Variants in UTP14A observed in about 807,000 individuals in gnomAD.
UTP14A encodes UTP14A small subunit processome component, also known as U3 small nucleolar RNA-associated protein 14 homolog A.
UTP14A carries 5 observed loss-of-function variants against 57.2 expected under a neutral mutation model. The ratio of observed to expected loss-of-function variants is 0.09; its 90% CI spans 0.05 to 0.18. UTP14A has a LOEUF of 0.18. Among genes scored for constraint, UTP14A ranks in the 10% least tolerant of loss-of-function variants. The probability of loss-of-function intolerance (pLI) is 1.00; values close to 1 mark genes in which losing one functional copy is unlikely to be tolerated. For missense variants in UTP14A, 430 were observed against 562.1 expected (o/e 0.76, Z 2.38); for synonymous variants, 169 against 210.9 (o/e 0.80, Z 1.72).
At chrX:129,917,335 A>G (rs1174440826) in intron 6 of UTP14A, among the ~76,000 whole-genome samples, 1 of 112,190 alleles carries the variant, frequency 8.9e-6, no homozygotes, top group Admixed American at 9.5e-5. Context: ...GTAACATGTG[A>G]TGATGTGCGT....
At chrX:129,929,210 C>G in intron 14 of UTP14A, 126 bp from the exon 15 acceptor site, 1 of 872,639 alleles carries the variant, frequency 1.1e-6, no homozygotes, top group Non-Finnish European at 1.6e-6. Flanking sequence ...CTCTCAGTCT[C>G]TTCACTTGCA....
At chrX:129,906,555 G>C (rs1929264899) in intron 1 of UTP14A, among the ~76,000 whole-genome samples, 1 of 110,565 alleles carries the variant, frequency 9.0e-6, no homozygotes, top group South Asian at 3.9e-4. Context: ...TTAATCCTCT[G>C]CGCAGGCAGT....
chrX:129,907,944 A>G (rs1231607394), intron 2 of UTP14A, 116 bp from the exon 3 acceptor site: 2 of 653,786 alleles, frequency 3.1e-6, no homozygotes, highest in Admixed American at 6.2e-5. Flanking sequence ...CAACAGAGCG[A>G]GACGCCGTCT....
rs375784839 is a variant in UTP14A, at chrX:129,906,609, T to C, written c.26+373T>C. ...CCGAATCTTGGAAAGCTTTGCTGAT[T>C]GGAGTCATCCACCACGTTTTGGCTC... On this transcript the variant is annotated intron_variant, in intron 1 of 14. Transcript: ENST00000394422. 3.9e-4 allele frequency among the ~76,000 whole-genome samples: 43 copies of C among 111,183 alleles called. No individual in the cohort carries two copies. The East Asian group carries it at 7.4e-3, about 19-fold the overall frequency.
Position 129,929,416 on chromosome X carries a change from C to T in UTP14A, c.2124C>T (p.Asn708=), listed in dbSNP as rs1473886340. ...AGACCCCCATAGGATCCACATGGAA[C>T]ACCCAGAGGGCTTTCCAAAAGCTGA... ...TIQTPIGSTW[N]TQRAFQKLTT... is the part of the protein sequence containing the mutation. Residue 708 remains asparagine (N), a synonymous_variant, in exon 15 of 15, where the codon AAC becomes AAT. Coordinates refer to ENST00000394422, the MANE Select transcript of UTP14A (RefSeq NM_006649.4). The T allele has an allele frequency of 1.7e-6, 2 of 1,209,640 alleles. No homozygotes were observed. The highest frequency in any genetic ancestry group is 3.5e-5 in the African/African-American group (2 of 57,012).
Position 129,906,176 on chromosome X carries a change from G to T in UTP14A, c.-35G>T. On this transcript the variant is annotated 5_prime_UTR_variant, in exon 1 of 15. Transcript: ENST00000394422. ...CGGAAATTGCTTTCCTTCGGCTTCC[G>T]TTCTTGGTCCATGTGAGAGAAGCTG... 2.5e-6 allele frequency: 3 copies of T among 1,210,297 alleles called. No individual in the cohort carries two copies. Among genetic ancestry groups the T allele is most frequent in the Non-Finnish European group, 3.4e-6 (3 of 894,289 alleles).
At chrX:129,908,556 A>G (rs1169727818) in intron 3 of UTP14A, 114 bp from the exon 4 acceptor site, 1 of 732,137 alleles carries the variant, frequency 1.4e-6, no homozygotes, top group Non-Finnish European at 2.1e-6. Context: ...ACATGACCCT[A>G]GAAGAAATAC....
At position 129,929,691 on chromosome X, in the gene UTP14A, C is replaced by T; in HGVS notation, c.*83C>T. On this transcript the variant is annotated 3_prime_UTR_variant, in exon 15 of 15. Transcript: ENST00000394422. Reference sequence around the variant, plus strand: ...CTCTGATACAGGGTGGATTCCAAAACTGGCTCAGTACATTGCATGTAGTTA... The same window carrying T: ...CTCTGATACAGGGTGGATTCCAAAATTGGCTCAGTACATTGCATGTAGTTA... 9.1e-7 allele frequency: 1 copy of T among 1,098,667 alleles called. No homozygotes were observed. Among genetic ancestry groups the T allele is most frequent in the Middle Eastern group, 2.6e-4 (1 of 3,875 alleles). The allele number at this position is 1,098,667 out of a possible 1,213,427, so 90.5% of individuals were successfully genotyped here.
rs1218719876 is a variant in UTP14A at position 129,913,275 on chromosome X, T to C, written c.537+1354T>C. 4 of 303,101 alleles carry C rather than the reference T, an allele frequency of 1.3e-5. No individual in the cohort carries two copies. In the Admixed American group the frequency reaches 1.6e-4, roughly 12 times the overall value. The allele number at this position is 303,101 out of a possible 1,213,427, so 25.0% of individuals were successfully genotyped here. A position where few individuals can be genotyped will look rare whatever the true frequency, so the allele number is the denominator to read the frequency against. ...TATTATGGGGATAAGCTGTTTCTGATGTTTTTGCTGAAGTCACTACCATTC... is the reference window on the plus strand; with the variant it reads ...TATTATGGGGATAAGCTGTTTCTGACGTTTTTGCTGAAGTCACTACCATTC... On this transcript the variant is annotated intron_variant, in intron 6 of 14. Coordinates refer to ENST00000394422, the MANE Select transcript of UTP14A (RefSeq NM_006649.4).
intron 6 of UTP14A, among the ~76,000 whole-genome samples, chrX:129,915,168 T>C (rs776149319): frequency 2.0e-4 from 22 of 111,054 alleles, no homozygotes; most frequent in African/African-American, 7.2e-4. Flanking sequence ...TAAGCCAAGG[T>C]TGGGCCACTG....
At chrX:129,911,244 G>A in intron 5 of UTP14A, 94 bp downstream of exon 5, 4 of 1,034,072 alleles carry the variant, frequency 3.9e-6, no homozygotes, top group Non-Finnish European at 5.2e-6. Context: ...CTGAAAAATG[G>A]GAGAAGGGGG....
chrX:129,914,165 G>A (rs988318806), intron 6 of UTP14A, among the ~76,000 whole-genome samples: 2 of 111,514 alleles, frequency 1.8e-5, no homozygotes, highest in African/African-American at 6.5e-5. Flanking sequence ...AGAGAAATAA[G>A]GAAGTGCTTA....
intron 6 of UTP14A, 34 bp downstream of exon 6, chrX:129,911,955 T>C: frequency 8.3e-7 from 1 of 1,199,680 alleles, no homozygotes; most frequent in Non-Finnish European, 1.1e-6. Flanking sequence ...AAAGGTGAGA[T>C]TTTATAAGTT....
chrX:129,925,001 A>C lies in UTP14A; in HGVS notation c.1555A>C (p.Lys519Gln). ...QTLEELEELG[K>Q]EECFQNKELP... Reference sequence around the variant, plus strand: ...GCTGGAAGAGCTAGAAGAGCTGGGAAAAGAAGAATGTTTTCAAAATAAGGA... The same window carrying C: ...GCTGGAAGAGCTAGAAGAGCTGGGACAAGAAGAATGTTTTCAAAATAAGGA... Residue 519 changes from lysine to glutamine, a missense_variant, in exon 12 of 15, where the codon AAA becomes CAA. Transcript: ENST00000394422. 1 of 1,211,554 alleles carries C rather than the reference A, an allele frequency of 8.3e-7. No individual in the cohort carries two copies. Among genetic ancestry groups the C allele is most frequent in the Non-Finnish European group, 1.1e-6 (1 of 895,526 alleles).
intron 6 of UTP14A, among the ~76,000 whole-genome samples, chrX:129,913,108 A>T (rs753295602): frequency 1.9e-4 from 21 of 111,963 alleles, no homozygotes; most frequent in Non-Finnish European, 3.0e-4. Context: ...TCTTAAATAG[A>T]TGCCCTCTTT....
At chrX:129,920,785 A>T in intron 10 of UTP14A, 33 bp downstream of exon 10, 1 of 1,211,476 alleles carries the variant, frequency 8.3e-7, no homozygotes, top group East Asian at 3.0e-5. Context: ...GAAGATCTGG[A>T]ATTGGAGGAT....
chrX:129,907,589 A>T, intron 2 of UTP14A, 147 bp downstream of exon 2: 2 of 476,624 alleles, frequency 4.2e-6, no homozygotes, highest in Non-Finnish European at 6.9e-6. Flanking sequence ...ATACTGTATC[A>T]TATTAAGTGC....
intron 11 of UTP14A, chrX:129,921,821 C>T: frequency 2.7e-6 from 1 of 374,782 alleles, no homozygotes; most frequent in East Asian, 4.4e-5. Context: ...GGCACATTTT[C>T]TGTTCTTGGG....
chrX:129,907,517 G>A (rs1244299722), intron 2 of UTP14A, 75 bp downstream of exon 2: 3 of 917,058 alleles, frequency 3.3e-6, no homozygotes, highest in Non-Finnish European at 4.6e-6. Context: ...GTGTGACAAT[G>A]TTCTATGTAT....
Sources: gnomAD v4.1 joint callset for allele counts (sites outside exome capture counted in the v4.1 genomes callset) on GRCh38, gnomAD v4.1.1 for gene constraint, MANE v1.5 for transcripts, NCBI Gene and HGNC (gene_info 2026-07-23, HGNC 2026-07-21) for gene names.